Variants in USP32 observed in about 807,000 individuals in gnomAD.
The protein encoded by USP32 is ubiquitin specific peptidase 32.
USP32 carries 59 observed loss-of-function variants against 204.8 expected under a neutral mutation model. The ratio of observed to expected loss-of-function variants is 0.29; its 90% CI spans 0.23 to 0.36. USP32 has a LOEUF of 0.36. Ranked by LOEUF, USP32 falls within the 10% of genes least tolerant of loss-of-function variation. USP32 has a pLI of 1.00. For missense variants in USP32, 1,160 were observed against 1,946.4 expected (o/e 0.60, Z 7.60); for synonymous variants, 517 against 678.4 (o/e 0.76, Z 3.70).
chr17:60,255,020 A>AC (rs1427652521), intron 10 of USP32, among the ~76,000 whole-genome samples, 155 bp downstream of exon 10: 1 of 149,972 alleles, frequency 6.7e-6, no homozygotes, highest in Non-Finnish European at 1.5e-5. Flanking sequence ...TTCAGCAAGC[A>AC]CCCATCTTTC....
At chr17:60,212,242 G>A (rs925762153) in intron 18 of USP32, 144 bp from the exon 19 acceptor site, 4 of 684,300 alleles carry the variant, frequency 5.8e-6, no homozygotes, top group Non-Finnish European at 7.5e-6. Context: ...GCTTAACGAC[G>A]AGGTTATATT....
Position 60,345,445 on chromosome 17 carries a change from AC to A in USP32, c.186+35del, listed in dbSNP as rs904536601. 4 of 1,608,712 alleles carry A rather than the reference AC, an allele frequency of 2.5e-6. No homozygotes were observed. The African/African-American group carries it at 5.4e-5, about 22-fold the overall frequency. ...GAATTTAGGCTGGTGGAGGTGGATA[AC>A]TACCTCAAAGGAAAACTTAGAACAA... On this transcript the variant is annotated intron_variant, in intron 2 of 33. Transcript: ENST00000300896.
chr17:60,196,294 G>A (rs1369421128), intron 27 of USP32, among the ~76,000 whole-genome samples: 4 of 140,194 alleles, frequency 2.9e-5, no homozygotes, highest in Non-Finnish European at 4.5e-5. Flanking sequence ...AAAAAAAGAA[G>A]TCAGCCTGGA....
chr17:60,418,394 C>A (rs930940707), intron 1 of USP32, among the ~76,000 whole-genome samples: 5 of 131,042 alleles, frequency 3.8e-5, no homozygotes, highest in Admixed American at 2.9e-4. Context: ...TGCCTGGCCT[C>A]TGTTTTTTTT....
intron 2 of USP32, among the ~76,000 whole-genome samples, chr17:60,310,403 T>C (rs1191143036): frequency 6.6e-6 from 1 of 152,172 alleles, no homozygotes; most frequent in Admixed American, 6.5e-5. Context: ...GGAACATTAT[T>C]CAGCCAGAAA....
At chr17:60,286,752 A>G (rs2087122915) in intron 5 of USP32, among the ~76,000 whole-genome samples, 1 of 152,314 alleles carries the variant, frequency 6.6e-6, no homozygotes, top group Non-Finnish European at 1.5e-5. Context: ...TGTCATTCAG[A>G]AGCACAGACC....
intron 1 of USP32, among the ~76,000 whole-genome samples, chr17:60,387,189 A>G (rs1225135855): frequency 6.6e-6 from 1 of 152,266 alleles, no homozygotes; most frequent in Non-Finnish European, 1.5e-5. Context: ...CATCATAGGT[A>G]GTATAAATCT....
intron 9 of USP32, among the ~76,000 whole-genome samples, chr17:60,261,482 C>T (rs1433815632): frequency 6.6e-6 from 1 of 151,808 alleles, no homozygotes; most frequent in Admixed American, 6.6e-5. Flanking sequence ...CCCGTCTCTA[C>T]TAAAAATACA....
intron 16 of USP32, among the ~76,000 whole-genome samples, chr17:60,217,544 C>T (rs1159189404): frequency 2.6e-5 from 4 of 152,006 alleles, no homozygotes; most frequent in Non-Finnish European, 5.9e-5. Flanking sequence ...ATTCAGCAGC[C>T]TCGGCCTCCC....
intron 12 of USP32, among the ~76,000 whole-genome samples, chr17:60,235,654 A>T (rs1251156376): frequency 6.6e-6 from 1 of 152,216 alleles, no homozygotes; most frequent in Non-Finnish European, 1.5e-5. Context: ...TCTGAAAAAA[A>T]TTCCATTTTA....
intron 5 of USP32, 93 bp downstream of exon 5, chr17:60,288,430 T>G: frequency 1.4e-6 from 2 of 1,407,198 alleles, no homozygotes; most frequent in South Asian, 3.2e-5. Context: ...AGAATTTAAA[T>G]AAATTTCTCC....
chr17:60,185,402 A>G (rs2084225286), intron 30 of USP32, 58 bp downstream of exon 30: 10 of 1,487,528 alleles, frequency 6.7e-6, no homozygotes, highest in Non-Finnish European at 9.0e-6. Flanking sequence ...CTGTTTGTTC[A>G]TGTCTTCTTT....
intron 1 of USP32, among the ~76,000 whole-genome samples, chr17:60,403,543 A>C (rs2089952267): frequency 6.6e-6 from 1 of 152,168 alleles, no homozygotes; most frequent in Admixed American, 6.5e-5. Flanking sequence ...GGATCTCATC[A>C]TCTAGATCAG....
chr17:60,340,321 A>G (rs1011166966), intron 2 of USP32, among the ~76,000 whole-genome samples: 3 of 148,334 alleles, frequency 2.0e-5, no homozygotes, highest in Non-Finnish European at 4.4e-5. Flanking sequence ...CACACCTGTA[A>G]TCCTGACACT....
At chr17:60,340,375 C>CA (rs1186943369) in intron 2 of USP32, among the ~76,000 whole-genome samples, 1 of 152,126 alleles carries the variant, frequency 6.6e-6, no homozygotes, top group Non-Finnish European at 1.5e-5. Flanking sequence ...CTCAGGAGTT[C>CA]AAAACCAGCC....
chr17:60,418,041 C>T (rs1474146271), intron 1 of USP32, among the ~76,000 whole-genome samples: 1 of 150,938 alleles, frequency 6.6e-6, no homozygotes, highest in Admixed American at 6.6e-5. Context: ...TCACCACAAC[C>T]TCTGCCTCCC....
intron 1 of USP32, among the ~76,000 whole-genome samples, chr17:60,416,498 A>T (rs528190001): frequency 2.6e-5 from 4 of 152,056 alleles, no homozygotes; most frequent in Admixed American, 1.3e-4. Flanking sequence ...TATTTGGATT[A>T]AAAAAAATGT....
chr17:60,231,408 T>G (rs2085545231), intron 12 of USP32: 1 of 344,408 alleles, frequency 2.9e-6, no homozygotes, highest in African/African-American at 2.1e-5. Context: ...AATAAAATAA[T>G]TGTCTGATAC....
intron 2 of USP32, among the ~76,000 whole-genome samples, chr17:60,308,885 T>C (rs1011382049): frequency 6.6e-6 from 1 of 152,132 alleles, no homozygotes; most frequent in Non-Finnish European, 1.5e-5. Flanking sequence ...GCCGAGACTG[T>C]GCCACTGCAC....
Sources: allele counts gnomAD v4.1 joint callset (sites outside exome capture counted in the v4.1 genomes callset), GRCh38; gene constraint gnomAD v4.1.1; transcripts MANE v1.5; gene names NCBI Gene and HGNC (gene_info 2026-07-23, HGNC 2026-07-21).